The following LRRC37A variants were observed in gnomAD, a reference collection of about 807,000 sequenced individuals.
LRRC37A encodes leucine-rich repeat-containing protein 37A.
LRRC37A carries 3 observed loss-of-function variants against 35.4 expected under a neutral mutation model. The observed-to-expected ratio is 0.08, with a 90% CI of 0.04 to 0.22. The LOEUF is 0.22. LRRC37A is among the 10% of genes least tolerant of loss of function. LRRC37A has a pLI of 1.00. For synonymous variants in LRRC37A, 23 were observed against 215.0 expected (o/e 0.11, Z 7.81); for missense variants, 67 against 565.3 (o/e 0.12, Z 8.94).
chr17:46,256,767 TG>T, the LRRC37A span, among the ~76,000 whole-genome samples: 3 of 152,124 alleles, frequency 2.0e-5, no homozygotes, highest in Non-Finnish European at 4.4e-5. Context: ...ACCTGGTTAA[TG>T]GAAAAGTAGA....
chr17:46,265,078 T>C, the LRRC37A span, among the ~76,000 whole-genome samples: 144 of 152,360 alleles, frequency 9.5e-4, no homozygotes, highest in Admixed American at 1.8e-3. Flanking sequence ...CTGGAGAACC[T>C]GACTCTGGTG....
At position 46,311,499 on chromosome 17, in the gene LRRC37A, T is replaced by C. The variant is rs2143733444; in HGVS notation, c.2906+5190T>C. On this transcript the variant is annotated intron_variant, in intron 5 of 13. Coordinates refer to ENST00000320254, the Ensembl canonical transcript of LRRC37A. Reference sequence around the variant, plus strand: ...TTTTTCAGCTAGAGCTGTTAGGATTTCAGTACATTTAAGACAGTGATGACA... The same window carrying C: ...TTTTTCAGCTAGAGCTGTTAGGATTCCAGTACATTTAAGACAGTGATGACA... 3.5e-5 allele frequency among the ~76,000 whole-genome samples: 3 copies of C among 84,724 alleles called. No individual in the cohort carries two copies. In the South Asian group the frequency reaches 1.6e-3, roughly 46 times the overall value. The allele number at this position is 84,724 out of a possible 152,430, so 55.6% of individuals were successfully genotyped here. A position where few individuals can be genotyped will look rare whatever the true frequency, so the allele number is the denominator to read the frequency against.
At chr17:46,260,523 G>A in the LRRC37A span, 1 of 1,605,914 alleles carries the variant, frequency 6.2e-7, no homozygotes, top group East Asian at 2.2e-5. Flanking sequence ...ACCTGCACCA[G>A]GCGATGCCTG....
the LRRC37A span, among the ~76,000 whole-genome samples, chr17:46,283,280 G>A: frequency 1.3e-5 from 2 of 152,334 alleles, no homozygotes; most frequent in East Asian, 3.9e-4. Flanking sequence ...TGAGACTTCT[G>A]AAAAAACTTC....
At chr17:46,282,550 G>A in the LRRC37A span, among the ~76,000 whole-genome samples, 4 of 151,844 alleles carry the variant, frequency 2.6e-5, no homozygotes, top group East Asian at 1.9e-4. Context: ...AAGTAGCTGG[G>A]ACTATAGGCA....
At chr17:46,305,319 A>G (rs2050510096) in intron 3 of LRRC37A, among the ~76,000 whole-genome samples, 190 bp from the exon 4 acceptor site, 1 of 125,084 alleles carries the variant, frequency 8.0e-6, no homozygotes, top group South Asian at 2.4e-4. Context: ...TTGTATATTT[A>G]TTAAAACCAT....
chr17:46,265,297 CTT>C, the LRRC37A span, among the ~76,000 whole-genome samples: 373 of 98,144 alleles, frequency 3.8e-3, 9 homozygotes, highest in East Asian at 0.028. Context: ...TCTTCTTCTT[CTT>C]CTTCTTCTTC....
At chr17:46,291,131 C>CTGAA (rs1270243062), upstream of LRRC37A, among the ~76,000 whole-genome samples, 1 of 152,202 alleles carries the variant, frequency 6.6e-6, no homozygotes, top group Non-Finnish European at 1.5e-5. Flanking sequence ...TAGAGAGAGA[C>CTGAA]TGAACTTCTT....
chr17:46,263,174 T>C, the LRRC37A span, among the ~76,000 whole-genome samples: 30 of 151,700 alleles, frequency 2.0e-4, no homozygotes, highest in African/African-American at 7.3e-4. Context: ...TGATAGAGTT[T>C]TGCCACTGCA....
the LRRC37A span, among the ~76,000 whole-genome samples, chr17:46,282,219 C>T: frequency 6.6e-6 from 1 of 152,150 alleles, no homozygotes; most frequent in Non-Finnish European, 1.5e-5. Context: ...TCTCCTGCCT[C>T]AGCCTCCCGA....
At chr17:46,275,197 GC>G in the LRRC37A span, 1 of 322,356 alleles carries the variant, frequency 3.1e-6, no homozygotes, top group South Asian at 4.3e-5. Context: ...TGGCAACTTT[GC>G]TTTTTTCTTG....
At chr17:46,262,152 A>G in the LRRC37A span, among the ~76,000 whole-genome samples, 1 of 152,074 alleles carries the variant, frequency 6.6e-6, no homozygotes, top group Non-Finnish European at 1.5e-5. Context: ...GTTTCATCAT[A>G]TTGCACAGGC....
chr17:46,267,893 C>CTTT, the LRRC37A span, among the ~76,000 whole-genome samples: 133 of 89,230 alleles, frequency 1.5e-3, 10 homozygotes, highest in African/African-American at 4.3e-3. Context: ...ACTCCCACAT[C>CTTT]TTTTTTTTTT....
At chr17:46,256,862 C>T in the LRRC37A span, among the ~76,000 whole-genome samples, 7 of 151,994 alleles carry the variant, frequency 4.6e-5, no homozygotes, top group South Asian at 2.1e-4. Context: ...CAGAACCCTT[C>T]GAAAGGGGAT....
At chr17:46,263,665 A>G in the LRRC37A span, among the ~76,000 whole-genome samples, 1 of 149,164 alleles carries the variant, frequency 6.7e-6, no homozygotes, top group Non-Finnish European at 1.5e-5. Flanking sequence ...GACCAGCCTG[A>G]CCAACATGGA....
the LRRC37A span, among the ~76,000 whole-genome samples, chr17:46,255,487 T>C: frequency 6.9e-6 from 1 of 145,904 alleles, no homozygotes; most frequent in Non-Finnish European, 1.5e-5. Flanking sequence ...TGCCTCAGCC[T>C]ACCGAGTTAG....
At chr17:46,270,848 C>T in the LRRC37A span, among the ~76,000 whole-genome samples, 7 of 152,174 alleles carry the variant, frequency 4.6e-5, no homozygotes, top group African/African-American at 1.4e-4. Context: ...TGCAGTGAGC[C>T]GAGATCATGC....
the LRRC37A span, among the ~76,000 whole-genome samples, chr17:46,281,564 G>A: frequency 6.6e-6 from 1 of 152,178 alleles, no homozygotes; most frequent in African/African-American, 2.4e-5. Flanking sequence ...TGAGTAGCTA[G>A]GACTACAGGT....
At chr17:46,280,734 C>T in the LRRC37A span, among the ~76,000 whole-genome samples, 8 of 152,198 alleles carry the variant, frequency 5.3e-5, no homozygotes, top group South Asian at 6.2e-4. Context: ...CCACTATGCC[C>T]GCCTAAGTAT....
Sources: allele counts gnomAD v4.1 joint callset (sites outside exome capture counted in the v4.1 genomes callset), GRCh38; gene constraint gnomAD v4.1.1; transcripts MANE v1.5; gene names NCBI Gene and HGNC (gene_info 2026-07-23, HGNC 2026-07-21).